The following RAB3C variants were observed in gnomAD, a reference collection of about 807,000 sequenced individuals.
RAB3C encodes the protein RAB3C, member RAS oncogene family, also known as ras-related protein Rab-3C.
RAB3C carries 17 observed loss-of-function variants against 26.4 expected under a neutral mutation model. The ratio of observed to expected loss-of-function variants is 0.64; its 90% confidence interval spans 0.44 to 0.97. The LOEUF is 0.97. Among genes scored for constraint, RAB3C ranks in the 50% least tolerant of loss-of-function variants. The probability of loss-of-function intolerance (pLI) is 0.00; values close to 1 mark genes in which losing one functional copy is unlikely to be tolerated. For synonymous variants in RAB3C, 91 were observed against 95.9 expected (o/e 0.95, Z 0.30); for missense variants, 242 against 281.9 (o/e 0.86, Z 1.01).
intron 3 of RAB3C, among the ~76,000 whole-genome samples, chr5:58,759,856 A>G (rs1294918020): frequency 1.3e-5 from 2 of 152,218 alleles, no homozygotes; most frequent in African/African-American, 4.8e-5. Flanking sequence ...GTGATGAGTC[A>G]TTTGGCCTAT....
chr5:58,693,726 C>T (rs907560461), intron 2 of RAB3C, among the ~76,000 whole-genome samples: 8 of 152,166 alleles, frequency 5.3e-5, no homozygotes, highest in African/African-American at 1.9e-4. Context: ...ACATATGTCT[C>T]TGTAAACCCA....
intron 1 of RAB3C, among the ~76,000 whole-genome samples, chr5:58,616,109 C>A (rs1412370733): frequency 6.6e-6 from 1 of 152,054 alleles, no homozygotes. Flanking sequence ...CCTTTTCCTC[C>A]CCCTACCCCA....
At chr5:58,614,580 A>G (rs1195892467) in intron 1 of RAB3C, among the ~76,000 whole-genome samples, 5 of 152,022 alleles carry the variant, frequency 3.3e-5, no homozygotes, top group Non-Finnish European at 7.4e-5. Context: ...TGCTGGGTGC[A>G]CATGTCCACC....
intron 2 of RAB3C, among the ~76,000 whole-genome samples, chr5:58,644,627 G>C (rs73098368): frequency 0.015 from 2,285 of 152,222 alleles, 63 homozygotes; most frequent in African/African-American, 0.053. Flanking sequence ...AGATTTTGGA[G>C]CTATAAATAG....
At position 58,852,668 on chromosome 5, in the gene RAB3C, C is replaced by G. The variant is rs1400792877; in HGVS notation, c.*1317C>G. ...TTGTATCACAAACTTCCTAAAGGACCTATATGAATAAAGAGAAAACAACAA... is the reference window on the plus strand; with the variant it reads ...TTGTATCACAAACTTCCTAAAGGACGTATATGAATAAAGAGAAAACAACAA... On this transcript the variant is annotated 3_prime_UTR_variant, in exon 5 of 5. Transcript: ENST00000282878. 1 of 152,050 alleles carries G rather than the reference C, an allele frequency of 6.6e-6. No homozygotes were observed. The highest frequency in any genetic ancestry group is 1.5e-5 in the Non-Finnish European group (1 of 68,026). The allele number at this position is 152,050 out of a possible 1,614,324, so 9.4% of individuals were successfully genotyped here.
At chr5:58,585,688 A>G (rs1311879126) in intron 1 of RAB3C, among the ~76,000 whole-genome samples, 4 of 152,126 alleles carry the variant, frequency 2.6e-5, no homozygotes, top group Non-Finnish European at 5.9e-5. Context: ...ATGTATCTAT[A>G]TAAATAAGTT....
At chr5:58,618,423 TTA>T (rs1273071814) in intron 2 of RAB3C, among the ~76,000 whole-genome samples, 1 of 152,174 alleles carries the variant, frequency 6.6e-6, no homozygotes, top group Non-Finnish European at 1.5e-5. Context: ...AGAGCTATGT[TTA>T]TATATGCAAA....
At chr5:58,655,573 C>T (rs1259548701) in intron 2 of RAB3C, among the ~76,000 whole-genome samples, 1 of 151,990 alleles carries the variant, frequency 6.6e-6, no homozygotes, top group Non-Finnish European at 1.5e-5. Flanking sequence ...CTAATGACTG[C>T]AACAAGCCAT....
At position 58,853,906 on chromosome 5, in the gene RAB3C, G is replaced by A. The variant is rs913979368; in HGVS notation, c.*2555G>A. On this transcript the variant is annotated 3_prime_UTR_variant, in exon 5 of 5. Transcript: ENST00000282878. The stretch of plus-strand genomic sequence containing the variant: ...CTGCTGTAATTGCATCAAAAAATCC[G>A]GGTTTTAACATCAAATTTGGCAAAT... 6.6e-6 allele frequency: 1 copy of A among 152,034 alleles called. No individual in the cohort carries two copies. The highest frequency in any genetic ancestry group is 1.5e-5 in the Non-Finnish European group (1 of 67,998). The allele number at this position is 152,034 out of a possible 1,614,324, so 9.4% of individuals were successfully genotyped here.
intron 2 of RAB3C, 113 bp from the exon 3 acceptor site, chr5:58,725,889 A>G (rs1478440194): frequency 3.3e-6 from 2 of 602,430 alleles, no homozygotes; most frequent in Admixed American, 2.9e-5. Flanking sequence ...AGACAGCTAT[A>G]CACAACAAGT....
At chr5:58,776,359 T>G (rs1561126566) in intron 3 of RAB3C, among the ~76,000 whole-genome samples, 1 of 152,112 alleles carries the variant, frequency 6.6e-6, no homozygotes, top group Admixed American at 6.6e-5. Flanking sequence ...TATTGGTGTT[T>G]CCCCCAGAGT....
intron 3 of RAB3C, among the ~76,000 whole-genome samples, chr5:58,766,812 G>A (rs902597486): frequency 6.6e-6 from 1 of 152,174 alleles, no homozygotes; most frequent in African/African-American, 2.4e-5. Flanking sequence ...GGTTTAGAGA[G>A]TAACACAGGC....
chr5:58,735,968 G>C (rs898773359), intron 3 of RAB3C, among the ~76,000 whole-genome samples: 2 of 152,164 alleles, frequency 1.3e-5, no homozygotes, highest in Non-Finnish European at 2.9e-5. Flanking sequence ...GAAACTATTA[G>C]CTACAAATTC....
intron 2 of RAB3C, among the ~76,000 whole-genome samples, chr5:58,646,010 G>A (rs1020901311): frequency 6.6e-6 from 1 of 152,204 alleles, no homozygotes; most frequent in African/African-American, 2.4e-5. Flanking sequence ...GCTCTGGAGT[G>A]TGCGGGACAT....
chr5:58,797,363 T>A (rs1201250397), intron 3 of RAB3C, among the ~76,000 whole-genome samples: 3,910 of 22,126 alleles, frequency 0.18, 364 homozygotes, highest in East Asian at 0.28. Flanking sequence ...AATATGTATA[T>A]ATATAATATA....
In RAB3C at chr5:58,857,225, T is replaced by C. The variant is rs1356526336; in HGVS notation, c.*5874T>C. On this transcript the variant is annotated 3_prime_UTR_variant, in exon 5 of 5. Coordinates refer to ENST00000282878, the MANE Select transcript of RAB3C (RefSeq NM_138453.4). ...TTTTCTTGTAGCTGTATTTGTCTAG[T>C]GGTGCAATTTATACAGTAAATATCT... The C allele has an allele frequency of 6.6e-6, 1 of 152,174 alleles. No homozygotes were observed. The highest frequency in any genetic ancestry group is 1.5e-5 in the Non-Finnish European group (1 of 68,024). The allele number at this position is 152,174 out of a possible 1,614,324, so 9.4% of individuals were successfully genotyped here.
intron 1 of RAB3C, among the ~76,000 whole-genome samples, chr5:58,603,635 G>C (rs1169798156): frequency 1.3e-5 from 2 of 152,092 alleles, no homozygotes; most frequent in Non-Finnish European, 2.9e-5. Flanking sequence ...ATTTCTAAAG[G>C]TGTGTCCAAA....
intron 3 of RAB3C, among the ~76,000 whole-genome samples, chr5:58,760,923 A>G (rs1741781283): frequency 6.6e-6 from 1 of 152,240 alleles, no homozygotes. Flanking sequence ...ACTTCCAGTT[A>G]AATAGATAAC....
At chr5:58,794,482 G>T (rs10055269) in intron 3 of RAB3C, 73,672 of 151,422 alleles carry the variant, frequency 0.49, 19,304 homozygotes, top group African/African-American at 0.69. Context: ...GACCAAGCTC[G>T]TTGTGGTCCA....
Sources: gnomAD v4.1 joint callset for allele counts (sites outside exome capture counted in the v4.1 genomes callset) on GRCh38, gnomAD v4.1.1 for gene constraint, MANE v1.5 for transcripts, NCBI Gene and HGNC (gene_info 2026-07-23, HGNC 2026-07-21) for gene names.